Variants in TONSL observed in about 807,000 individuals in gnomAD.
TONSL encodes tonsoku like, DNA repair protein, also known as tonsoku-like protein.
A neutral mutation model predicts 147.1 loss-of-function variants in TONSL; 112 were observed. The ratio of observed to expected loss-of-function variants is 0.76; its 90% CI spans 0.65 to 0.89. TONSL has a LOEUF of 0.89. Among genes scored for constraint, TONSL ranks in the 40% least tolerant of loss-of-function variants. The pLI is 0.00. For synonymous variants in TONSL, 868 were observed against 801.5 expected, an observed-to-expected ratio of 1.08 and a Z score of -1.40; for missense variants, 1,883 against 1,864.6, an observed-to-expected ratio of 1.01 and a Z score of -0.18.
At chr8:144,441,461 G>A (rs1428797480) in intron 7 of TONSL, 11 of 234,724 alleles carry the variant, frequency 4.7e-5, no homozygotes, top group South Asian at 4.5e-4. Flanking sequence ...GTGTGGTGGC[G>A]GGCACCTGTA....
At position 144,436,005 on chromosome 8, in the gene TONSL, G is replaced by C; in HGVS notation, c.2428C>G (p.Pro810Ala). 1 of 1,552,644 alleles carries C rather than the reference G, an allele frequency of 6.4e-7. No homozygotes were observed. Among genetic ancestry groups the C allele is most frequent in the Non-Finnish European group, 8.7e-7 (1 of 1,152,246 alleles). Residue 810 changes from proline to alanine, a missense_variant, in exon 17 of 26, where the codon CCA becomes GCA. By Grantham distance (27) the Pro-to-Ala change is conservative (BLOSUM62 -1). Coordinates refer to ENST00000409379, the MANE Select transcript of TONSL (RefSeq NM_013432.5). ...AGGGCTTTGCTGTGGCCCCGCGGTG[G>C]GCCAGGCCCCAGCCGGCTCTGAGCA... ...GSAQSRLGPG[P>A]PRGHSKALAP...
chr8:144,437,521 T>C (rs1378729005), intron 13 of TONSL, among the ~76,000 whole-genome samples: 1 of 151,970 alleles, frequency 6.6e-6, no homozygotes, highest in East Asian at 1.9e-4. Flanking sequence ...CTCAAGCTCC[T>C]GACCTCGTGA....
rs780093152 is a variant in TONSL, at chr8:144,434,834, C to G, written c.3062G>C (p.Arg1021Thr). 4.3e-6 allele frequency: 7 copies of G among 1,613,528 alleles called. No homozygotes were observed. The highest frequency in any genetic ancestry group is 1.7e-4 in the Middle Eastern group (1 of 6,054). ...ACCTTGCCCCAGGCTCTGGCAGGCC[C>G]TGCGGTAGCGGTCAGTCAACGGGGG... is the stretch of plus-strand genomic sequence containing the variant. ...DLPPLTDRYR[R>T]ACQSLGQGEH... The change falls in exon 20 of 26, where the codon AGG becomes ACG. Residue 1021 changes from arginine (R) to threonine (T), a missense_variant. Arg to Thr is a moderately conservative substitution (Grantham distance 71). Transcript: ENST00000409379.
At chr8:144,429,482 C>G in intron 25 of TONSL, 146 bp from the exon 26 acceptor site, 1 of 677,448 alleles carries the variant, frequency 1.5e-6, no homozygotes, top group South Asian at 3.6e-5. Flanking sequence ...GGAGAGGCCC[C>G]ATGACTCTCC....
Position 144,440,073 on chromosome 8 carries a change from G to A in TONSL, c.1428C>T (p.Ala476=), listed in dbSNP as rs1373420103. The A allele has an allele frequency of 6.3e-7, 1 of 1,589,150 alleles. No homozygotes were observed. Among genetic ancestry groups the A allele is most frequent in the African/African-American group, 1.3e-5 (1 of 74,332 alleles). ...DEEEEAEEAA[A]TAESEALEAG... ...CCTCCAGGGCTTCGCTCTCCGCTGT[G>A]GCTGCCGCCTCCTCCGCCTCCTCCT... is the stretch of plus-strand genomic sequence containing the variant. The change falls in exon 11 of 26, where the codon GCC becomes GCT. Residue 476 remains alanine (A), a synonymous_variant. Coordinates refer to ENST00000409379, the MANE Select transcript of TONSL (RefSeq NM_013432.5).
rs374390874 is a variant in TONSL at position 144,435,757 on chromosome 8, G to A, written c.2676C>T (p.Asn892=). Residue 892 remains asparagine (N), a synonymous_variant, in exon 17 of 26, where the codon AAC becomes AAT. Coordinates refer to ENST00000409379, the MANE Select transcript of TONSL (RefSeq NM_013432.5). ...TCMQSCSAPV[N]AGPSSLASEP... is the part of the protein sequence containing the mutation. ...CTGAAGCCAGGCTGCTGGGCCCTGC[G>A]TTAACTGGCGCACTGCAACTCTGCA... 158 of 1,612,768 alleles carry A rather than the reference G, an allele frequency of 9.8e-5. 1 individual carries two copies. The highest frequency in any genetic ancestry group is 2.5e-4 in the African/African-American group (19 of 74,922).
intron 22 of TONSL, 116 bp from the exon 23 acceptor site, chr8:144,432,576 A>G: frequency 9.5e-7 from 1 of 1,051,732 alleles, no homozygotes; most frequent in South Asian, 2.2e-5. Flanking sequence ...CAGTGCTCGC[A>G]GGGTGGGGTG....
Position 144,436,827 on chromosome 8 carries a change from T to C in TONSL, c.1820A>G (p.Asn607Ser), listed in dbSNP as rs770857596. 3.3e-5 allele frequency: 53 copies of C among 1,611,204 alleles called. No homozygotes were observed. In the South Asian group the frequency reaches 5.3e-4, roughly 16 times the overall value. ...EGITPLHDAL[N>S]CGHFEVAELL... ...CTCAGCCACCTCGAAGTGGCCACAG[T>C]TGAGGGCATCGTGGAGGGGGGTGAT... Residue 607 changes from asparagine (N) to serine (S), a missense_variant, in exon 15 of 26, where the codon AAC becomes AGC. Transcript: ENST00000409379.
chr8:144,434,204 A>G lies in TONSL; in HGVS notation c.3161T>C (p.Leu1054Pro). ...CAGGGGTGTAAGCTGGGCCTGGTCC[A>G]GGGCCAGGGAGCAGGCGCTGAACGA... ...GLSFSACSLA[L>P]DQAQLTPLLR... Residue 1054 changes from leucine (L) to proline (P), a missense_variant, in exon 21 of 26, where the codon CTG becomes CCG. Coordinates refer to ENST00000409379, the MANE Select transcript of TONSL (RefSeq NM_013432.5). The G allele has an allele frequency of 6.3e-7, 1 of 1,578,506 alleles. No individual in the cohort carries two copies. Among genetic ancestry groups the G allele is most frequent in the African/African-American group, 1.3e-5 (1 of 74,144 alleles).
At chr8:144,434,722 G>A in intron 20 of TONSL, 89 bp downstream of exon 20, 2 of 1,449,886 alleles carry the variant, frequency 1.4e-6, no homozygotes, top group Non-Finnish European at 1.9e-6. Context: ...AAACACCCGA[G>A]GCCCAGGAAT....
Position 144,440,600 on chromosome 8 carries a change from G to A in TONSL, c.1164+118C>T, listed in dbSNP as rs1823675411. 2.6e-6 allele frequency: 4 copies of A among 1,530,358 alleles called. No homozygotes were observed. The African/African-American group carries it at 5.5e-5, about 21-fold the overall frequency. 94.8% of individuals were successfully genotyped at this position (1,530,358 alleles called of 1,614,324 possible). A position where few individuals can be genotyped will look rare whatever the true frequency, so the allele number is the denominator to read the frequency against. On this transcript the variant is annotated intron_variant, in intron 9 of 25. Coordinates refer to ENST00000409379, the MANE Select transcript of TONSL (RefSeq NM_013432.5). ...GCCTCCCAGCTGCCGAGGGTGGATG[G>A]TCCTAGGAAGGAGCTGCCCGTCCAG...
At chr8:144,435,391 C>T (rs1468566767) in intron 18 of TONSL, 83 bp downstream of exon 18, 20 of 1,333,716 alleles carry the variant, frequency 1.5e-5, no homozygotes, top group South Asian at 1.0e-4. Context: ...CCTCGTCACA[C>T]GCCCCACCCT....
In TONSL at chr8:144,434,509, G is replaced by A. The variant is rs1019545230; in HGVS notation, c.3086-230C>T. Among the ~76,000 whole-genome samples the A allele has an allele frequency of 8.5e-5, 13 of 152,220 alleles. No individual in the cohort carries two copies. The South Asian group carries it at 1.9e-3, about 22-fold the overall frequency. ...GTCACTGCCAGATTCCACACCCCCC[G>A]GGACAAGCTTTCTGGGAAGCTTCCC... On this transcript the variant is annotated intron_variant, in intron 20 of 25. Coordinates refer to ENST00000409379, the MANE Select transcript of TONSL (RefSeq NM_013432.5).
Position 144,432,294 on chromosome 8 carries a change from G to A in TONSL, c.3726C>T (p.Tyr1242=). Residue 1242 remains tyrosine (Y), a synonymous_variant, in exon 23 of 26, where the codon TAC becomes TAT. Coordinates refer to ENST00000409379, the MANE Select transcript of TONSL (RefSeq NM_013432.5). ...DSDLMEPVFR[Y]LAKEGCALAH... The stretch of plus-strand genomic sequence containing the variant: ...CTTCCCCACCTCGTACCTTGGCCAG[G>A]TATCGGAATACAGGCTCCATGAGGT... The A allele has an allele frequency of 6.2e-7, 1 of 1,613,754 alleles. No homozygotes were observed. The highest frequency in any genetic ancestry group is 8.5e-7 in the Non-Finnish European group (1 of 1,179,916).
intron 22 of TONSL, 157 bp downstream of exon 22, chr8:144,433,431 A>G: frequency 2.7e-6 from 2 of 738,572 alleles, no homozygotes; most frequent in Non-Finnish European, 2.2e-6. Flanking sequence ...GCTTTCCTGG[A>G]ACTCTTGGCT....
In TONSL at chr8:144,444,197, TC is replaced by T; in HGVS notation, c.103del (p.Glu35SerfsTer123). On this transcript the variant is annotated frameshift_variant, in exon 2 of 26. Coordinates refer to ENST00000409379, the MANE Select transcript of TONSL (RefSeq NM_013432.5). LOFTEE classifies it high-confidence loss of function. ...GCGCTCACCATGGCCGGCCAGGAGC[TC>T]CCCCAGCTGGTGGCACAGCGCGGCC... ...EEAALCHQLGELLAGHGRYAE... is the reference protein window; with the variant it reads ...EEAALCHQLGXLLAGHGRYAE... 2.8e-6 allele frequency: 4 copies of T among 1,452,592 alleles called. No individual in the cohort carries two copies. Among genetic ancestry groups the T allele is most frequent in the East Asian group, 3.0e-5 (1 of 32,818 alleles). The allele number at this position is 1,452,592 out of a possible 1,614,324, so 90.0% of individuals were successfully genotyped here. A position where few individuals can be genotyped will look rare whatever the true frequency, so the allele number is the denominator to read the frequency against.
rs780382893 is a variant in TONSL at position 144,434,922 on chromosome 8, T to G, written c.3007-33A>C. 40 of 1,612,352 alleles carry G rather than the reference T, an allele frequency of 2.5e-5. No homozygotes were observed. In the African/African-American group the frequency reaches 5.3e-4, roughly 22 times the overall value. On this transcript the variant is annotated intron_variant, in intron 19 of 25. Coordinates refer to ENST00000409379, the MANE Select transcript of TONSL (RefSeq NM_013432.5). ...GCACCGTCATGAGCCACCTGGGGGC[T>G]CCCCCGGCTCACCTCATCATTGCTC...
chr8:144,439,874 T>G (rs1823635310), intron 11 of TONSL, 147 bp downstream of exon 11: 2 of 585,762 alleles, frequency 3.4e-6, no homozygotes, highest in Non-Finnish European at 6.0e-6. Context: ...ACCTTCTCTG[T>G]CCAGTTCCGG....
chr8:144,442,389 A>G lies in TONSL; in HGVS notation c.602T>C (p.Leu201Pro). ...GCCCAGGTTGTAGCGGGCGCGGAAT[A>G]GGTCCTCGTAAAGGTGGTTCTGCCT... Reference protein sequence around the residue: ...LAEQNHLYEDLFRARYNLGTI... With the variant: ...LAEQNHLYEDPFRARYNLGTI... Residue 201 changes from leucine to proline, a missense_variant, in exon 6 of 26, where the codon CTA becomes CCA. Physicochemically the swap from Leu to Pro is moderately conservative, Grantham distance 98. Transcript: ENST00000409379. 1 of 1,562,080 alleles carries G rather than the reference A, an allele frequency of 6.4e-7. No homozygotes were observed. Among genetic ancestry groups the G allele is most frequent in the Non-Finnish European group, 8.7e-7 (1 of 1,150,936 alleles).
Sources: allele counts gnomAD v4.1 joint callset (sites outside exome capture counted in the v4.1 genomes callset), GRCh38; gene constraint gnomAD v4.1.1; transcripts MANE v1.5; gene names NCBI Gene and HGNC (gene_info 2026-07-23, HGNC 2026-07-21).